The following FGGY variants were observed in gnomAD, a reference collection of about 807,000 sequenced individuals.
FGGY encodes the protein FGGY carbohydrate kinase domain-containing protein.
FGGY carries 72 observed loss-of-function variants against 71.3 expected under a neutral mutation model. The observed-to-expected ratio is 1.01, with a 90% CI of 0.84 to 1.23. The LOEUF is 1.23. Among genes scored for constraint, FGGY ranks in the 50% most tolerant of loss-of-function variants. The pLI, the probability that FGGY is intolerant of heterozygous loss-of-function variation, is 0.00. For missense variants in FGGY, 668 were observed against 682.3 expected (o/e 0.98, Z 0.23); for synonymous variants, 251 against 250.3 (o/e 1.00, Z -0.02).
At chr1:59,465,937 A>G (rs1032867420) in intron 6 of FGGY, among the ~76,000 whole-genome samples, 19 of 152,222 alleles carry the variant, frequency 1.2e-4, no homozygotes, top group Admixed American at 3.9e-4. Flanking sequence ...TGCCCAAGGT[A>G]ATTTATAGAT....
rs1014202988 is a variant in FGGY at position 59,758,080 on chromosome 1, T to G, written c.1574+88T>G. On this transcript the variant is annotated intron_variant, in intron 15 of 15. Coordinates refer to ENST00000303721, the MANE Select transcript of FGGY (RefSeq NM_018291.5). ...ACTATAGATCTGGAATAAACTCAGGTGGTCAACTAATCCAGTCCTTTAATT... is the reference window on the plus strand; with the variant it reads ...ACTATAGATCTGGAATAAACTCAGGGGGTCAACTAATCCAGTCCTTTAATT... 8.9e-6 allele frequency: 8 copies of G among 901,742 alleles called. No homozygotes were observed. In the African/African-American group the frequency reaches 1.2e-4, roughly 13 times the overall value. The allele number at this position is 901,742 out of a possible 1,614,324, so 55.9% of individuals were successfully genotyped here. A position where few individuals can be genotyped will look rare whatever the true frequency, so the allele number is the denominator to read the frequency against.
chr1:59,424,008 A>G (rs998344039), intron 5 of FGGY, among the ~76,000 whole-genome samples: 1 of 152,244 alleles, frequency 6.6e-6, no homozygotes, highest in African/African-American at 2.4e-5. Context: ...AATCATTCAC[A>G]GTACTTACTA....
At chr1:59,393,982 A>G (rs962174343) in intron 5 of FGGY, among the ~76,000 whole-genome samples, 13 of 152,236 alleles carry the variant, frequency 8.5e-5, no homozygotes, top group African/African-American at 2.2e-4. Flanking sequence ...CACTGTGTCT[A>G]TCCTTCACAA....
At chr1:59,593,275 C>T (rs2096479346) in intron 8 of FGGY, among the ~76,000 whole-genome samples, 2 of 152,228 alleles carry the variant, frequency 1.3e-5, no homozygotes, top group African/African-American at 4.8e-5. Context: ...TTGTGGACAT[C>T]TAGTTACAAG....
intron 9 of FGGY, among the ~76,000 whole-genome samples, chr1:59,614,330 A>T (rs867746837): frequency 7.9e-5 from 12 of 152,220 alleles, no homozygotes; most frequent in African/African-American, 2.9e-4. Context: ...CCTGGGATGC[A>T]AGACTGGTTC....
At chr1:59,410,467 T>C (rs554147832) in intron 5 of FGGY, among the ~76,000 whole-genome samples, 2 of 152,286 alleles carry the variant, frequency 1.3e-5, no homozygotes, top group African/African-American at 4.8e-5. Context: ...CCTCTTACAA[T>C]AAAATTATGT....
At chr1:59,675,162 A>C (rs1462824316) in intron 14 of FGGY, among the ~76,000 whole-genome samples, 1 of 152,172 alleles carries the variant, frequency 6.6e-6, no homozygotes, top group Non-Finnish European at 1.5e-5. Context: ...TCTCAACTGA[A>C]CGTTCAAGAG....
At chr1:59,440,342 C>G (rs1368631018) in intron 5 of FGGY, among the ~76,000 whole-genome samples, 1 of 152,126 alleles carries the variant, frequency 6.6e-6, no homozygotes, top group African/African-American at 2.4e-5. Context: ...AGGCAGCTTT[C>G]TTTCCTCATT....
At position 59,574,335 on chromosome 1, in the gene FGGY, C is replaced by T. The variant is rs531730245; in HGVS notation, c.903+20108C>T. On this transcript the variant is annotated intron_variant, in intron 8 of 15. Coordinates refer to ENST00000303721, the MANE Select transcript of FGGY (RefSeq NM_018291.5). ...TCCTCCTCATCTGTGGTCACATCTG[C>T]CTCTCCCTGTCTCTTACAAGAACAG... Among the ~76,000 whole-genome samples, 3 of 152,310 alleles carry T rather than the reference C, an allele frequency of 2.0e-5. No homozygotes were observed. The East Asian group carries it at 5.8e-4, about 29-fold the overall frequency.
intron 15 of FGGY, among the ~76,000 whole-genome samples, chr1:59,758,335 G>GT (rs372408975): frequency 1.0e-3 from 156 of 152,220 alleles, no homozygotes; most frequent in African/African-American, 3.7e-3. Flanking sequence ...TTTACTCTTT[G>GT]TATCACTTGG....
intron 11 of FGGY, among the ~76,000 whole-genome samples, chr1:59,655,874 G>A (rs2097213592): frequency 6.6e-6 from 1 of 152,164 alleles, no homozygotes. Context: ...TTCATATAGT[G>A]TCATGCAGCT....
rs1018797877 is a variant in FGGY, at chr1:59,666,215, C to A, written c.1297-1068C>A. Among the ~76,000 whole-genome samples, 12 of 150,742 alleles carry A rather than the reference C, an allele frequency of 8.0e-5. No homozygotes were observed. In the East Asian group the frequency reaches 2.3e-3, roughly 29 times the overall value. On this transcript the variant is annotated intron_variant, in intron 12 of 15. Coordinates refer to ENST00000303721, the MANE Select transcript of FGGY (RefSeq NM_018291.5). ...TTCTCTTCCCTCCTTTTTAGCAATTCACTCCCAGGTCTACACTTAGGACTG... is the reference window on the plus strand; with the variant it reads ...TTCTCTTCCCTCCTTTTTAGCAATTAACTCCCAGGTCTACACTTAGGACTG...
chr1:59,506,488 A>G (rs913648361), intron 6 of FGGY, among the ~76,000 whole-genome samples: 2 of 152,176 alleles, frequency 1.3e-5, no homozygotes, highest in East Asian at 3.9e-4. Context: ...TTTAAGGGGG[A>G]AAAACATCTT....
At chr1:59,677,961 ACATAGCCATTCGTT>A (rs1447780545) in intron 14 of FGGY, among the ~76,000 whole-genome samples, 1 of 152,146 alleles carries the variant, frequency 6.6e-6, no homozygotes, top group Non-Finnish European at 1.5e-5. Context: ...AAGGATACTG[ACATAGCCATTCGTT>A]CATTCTAAAG....
chr1:59,557,262 A>G (rs2095705284), intron 8 of FGGY, among the ~76,000 whole-genome samples: 1 of 152,142 alleles, frequency 6.6e-6, no homozygotes, highest in South Asian at 2.1e-4. Flanking sequence ...GGGCTTTTCA[A>G]AAAGTGGTTT....
rs2093093730 is a variant in FGGY, at chr1:59,473,478, G to A, written c.670+16402G>A. Among the ~76,000 whole-genome samples, 4 of 152,308 alleles carry A rather than the reference G, an allele frequency of 2.6e-5. No homozygotes were observed. In the South Asian group the frequency reaches 8.3e-4, roughly 32 times the overall value. On this transcript the variant is annotated intron_variant, in intron 6 of 15. Transcript: ENST00000303721. ...TGAAGTCAGTGAGACCAAGAACCCA[G>A]CAATTCTGGACACAGTAGTTTACCA...
At chr1:59,325,923 G>A (rs1466867742) in intron 2 of FGGY, among the ~76,000 whole-genome samples, 1 of 152,188 alleles carries the variant, frequency 6.6e-6, no homozygotes, top group Non-Finnish European at 1.5e-5. Context: ...TATTGGGCTG[G>A]TAAGCCGCAC....
At chr1:59,757,810 A>G in intron 14 of FGGY, 121 bp from the exon 15 acceptor site, 1 of 615,234 alleles carries the variant, frequency 1.6e-6, no homozygotes, top group Non-Finnish European at 2.9e-6. Flanking sequence ...TTGAAAAAAA[A>G]GAGGACTAAC....
chr1:59,669,082 C>T (rs946246038), intron 13 of FGGY, among the ~76,000 whole-genome samples: 1 of 151,596 alleles, frequency 6.6e-6, no homozygotes, highest in African/African-American at 2.4e-5. Flanking sequence ...CAAGCACCTA[C>T]TATGTGTCAG....
Sources: allele counts gnomAD v4.1 joint callset (sites outside exome capture counted in the v4.1 genomes callset), GRCh38; gene constraint gnomAD v4.1.1; transcripts MANE v1.5; gene names NCBI Gene and HGNC (gene_info 2026-07-23, HGNC 2026-07-21).